Variants in MRTFB observed in about 807,000 individuals in gnomAD.
MRTFB encodes the protein myocardin related transcription factor B.
A neutral mutation model predicts 104.2 loss-of-function variants in MRTFB; 29 were observed. The ratio of observed to expected loss-of-function variants is 0.28; its 90% CI spans 0.21 to 0.38. The LOEUF (loss-of-function observed/expected upper bound fraction) is 0.38, where lower values mean the gene tolerates loss of function less well. Among genes scored for constraint, MRTFB ranks in the 10% least tolerant of loss-of-function variants. The pLI is 1.00. For missense variants in MRTFB, 1,270 were observed against 1,341.6 expected (o/e 0.95, Z 0.83); for synonymous variants, 535 against 519.5 (o/e 1.03, Z -0.41).
At chr16:14,025,846 A>G in the MRTFB span, among the ~76,000 whole-genome samples, 1 of 152,252 alleles carries the variant, frequency 6.6e-6, no homozygotes, top group Non-Finnish European at 1.5e-5. Context: ...ACAATTTTGG[A>G]TGCAAAATGG....
At chr16:14,238,815 AC>A (rs1423429517) in intron 9 of MRTFB, among the ~76,000 whole-genome samples, 1 of 152,242 alleles carries the variant, frequency 6.6e-6, no homozygotes, top group Non-Finnish European at 1.5e-5. Context: ...CATTTCCAAT[AC>A]ATAATTACTT....
At chr16:14,252,825 C>A (rs2043310451) in intron 15 of MRTFB, among the ~76,000 whole-genome samples, 1 of 152,072 alleles carries the variant, frequency 6.6e-6, no homozygotes, top group Admixed American at 6.6e-5. Flanking sequence ...ATACAGGTCC[C>A]TTCTTTTCTA....
intron 3 of MRTFB, chr16:14,186,655 C>T (rs1245163197): frequency 6.4e-6 from 8 of 1,249,718 alleles, no homozygotes; most frequent in Middle Eastern, 3.0e-4. Context: ...ATTTTAGAAT[C>T]GTGCCTGTGT....
chr16:14,157,129 T>C (rs1011327533), intron 3 of MRTFB, among the ~76,000 whole-genome samples: 1 of 152,210 alleles, frequency 6.6e-6, no homozygotes, highest in African/African-American at 2.4e-5. Context: ...AAGGTAGAAA[T>C]CTTTTTTAAA....
chr16:14,024,848 A>G, the MRTFB span, among the ~76,000 whole-genome samples: 1 of 152,224 alleles, frequency 6.6e-6, no homozygotes, highest in South Asian at 2.1e-4. Flanking sequence ...CAACACTGTC[A>G]TGAGGTGGCT....
chr16:14,144,981 C>CATATATATATATATGTATATATAT (rs1473689103), intron 3 of MRTFB, among the ~76,000 whole-genome samples: 1 of 104,384 alleles, frequency 9.6e-6, no homozygotes, highest in Non-Finnish European at 1.6e-5. Context: ...TATATACATA[C>CATATATATATATATGTATATATAT]ATATATATAT....
chr16:14,016,900 C>G, the MRTFB span, among the ~76,000 whole-genome samples: 1 of 151,806 alleles, frequency 6.6e-6, no homozygotes, highest in African/African-American at 2.4e-5. Flanking sequence ...TCATCACATT[C>G]CCTTCATCAT....
chr16:14,000,343 T>C, the MRTFB span, among the ~76,000 whole-genome samples: 6 of 152,190 alleles, frequency 3.9e-5, no homozygotes, highest in Admixed American at 2.0e-4. Flanking sequence ...ACACCTGCTC[T>C]TTCACCGCTG....
At chr16:14,050,080 A>T in the MRTFB span, among the ~76,000 whole-genome samples, 1 of 152,214 alleles carries the variant, frequency 6.6e-6, no homozygotes, top group African/African-American at 2.4e-5. Context: ...AGTGCTTTTT[A>T]AAAAAGTGTG....
intron 3 of MRTFB, among the ~76,000 whole-genome samples, chr16:14,209,110 C>A (rs974795486): frequency 7.9e-5 from 12 of 152,178 alleles, no homozygotes; most frequent in Non-Finnish European, 1.8e-4. Context: ...CTGCAGTCAG[C>A]GCAAGACCAA....
chr16:14,023,610 CATACATATACATAT>C, the MRTFB span, among the ~76,000 whole-genome samples: 1 of 106,912 alleles, frequency 9.4e-6, no homozygotes, highest in African/African-American at 3.7e-5. Context: ...CACACACACA[CATACATATACATAT>C]ACATATACAT....
intron 3 of MRTFB, chr16:14,200,820 G>A (rs2040667022): frequency 7.5e-6 from 11 of 1,471,262 alleles, no homozygotes; most frequent in South Asian, 2.3e-5. Context: ...AGTGGTTGGC[G>A]GTGGTTATCG....
At chr16:14,243,847 A>G (rs2042887102) in intron 10 of MRTFB, among the ~76,000 whole-genome samples, 1 of 132,032 alleles carries the variant, frequency 7.6e-6, no homozygotes, top group Admixed American at 7.3e-5. Flanking sequence ...CCCAGAGATT[A>G]GTTTTGCCTG....
At chr16:14,077,101 G>C (rs1018814997) in intron 1 of MRTFB, among the ~76,000 whole-genome samples, 1 of 152,188 alleles carries the variant, frequency 6.6e-6, no homozygotes, top group African/African-American at 2.4e-5. Flanking sequence ...TTGGTATAAA[G>C]AAGGCTTAAA....
the MRTFB span, among the ~76,000 whole-genome samples, chr16:14,007,317 A>G: frequency 6.6e-6 from 1 of 152,214 alleles, no homozygotes; most frequent in African/African-American, 2.4e-5. Context: ...CACAGATGGA[A>G]TGCCATTTAT....
At chr16:14,083,493 C>T (rs775317815) in intron 2 of MRTFB, among the ~76,000 whole-genome samples, 8 of 152,092 alleles carry the variant, frequency 5.3e-5, no homozygotes, top group Non-Finnish European at 1.2e-4. Flanking sequence ...GGGTACTGGC[C>T]TAGAGTCAGG....
At chr16:14,157,472 C>A (rs2038868999) in intron 3 of MRTFB, among the ~76,000 whole-genome samples, 1 of 152,130 alleles carries the variant, frequency 6.6e-6, no homozygotes, top group East Asian at 1.9e-4. Flanking sequence ...TAGCCTTGGG[C>A]CTAGTGGTTT....
At chr16:14,221,043 T>C (rs969078886) in intron 8 of MRTFB, among the ~76,000 whole-genome samples, 6 of 152,228 alleles carry the variant, frequency 3.9e-5, no homozygotes, top group African/African-American at 9.7e-5. Context: ...AAGAAGCATG[T>C]CCATGGTAAC....
At chr16:14,093,739 A>G (rs2035212677) in intron 2 of MRTFB, among the ~76,000 whole-genome samples, 1 of 152,224 alleles carries the variant, frequency 6.6e-6, no homozygotes, top group Non-Finnish European at 1.5e-5. Context: ...TTAGATTTTA[A>G]TGATGAGGTC....
Sources: gnomAD v4.1 joint callset for allele counts (sites outside exome capture counted in the v4.1 genomes callset) on GRCh38, gnomAD v4.1.1 for gene constraint, MANE v1.5 for transcripts, NCBI Gene and HGNC (gene_info 2026-07-23, HGNC 2026-07-21) for gene names.